The following LRP5 variants were observed in gnomAD, a reference collection of about 807,000 sequenced individuals.
The protein encoded by LRP5 is low-density lipoprotein receptor-related protein 5.
Under a neutral mutation model 154.1 loss-of-function variants are expected in LRP5, and 62 were observed. That is an observed-to-expected ratio of 0.40 (90% CI 0.33 to 0.50). The LOEUF (loss-of-function observed/expected upper bound fraction) is 0.50. LRP5 is among the 20% of genes least tolerant of loss of function. LRP5 has a pLI of 0.55. For missense variants in LRP5, 1,915 were observed against 2,336.7 expected (o/e 0.82, Z 3.72); for synonymous variants, 966 against 1,011.5 (o/e 0.96, Z 0.85).
intron 20 of LRP5, among the ~76,000 whole-genome samples, chr11:68,439,334 A>T (rs530429539): frequency 5.3e-5 from 8 of 152,194 alleles, no homozygotes; most frequent in African/African-American, 1.9e-4. Flanking sequence ...CTGTCACCCC[A>T]AGCCGGCCTC....
chr11:68,403,573 T>A lies in LRP5; in HGVS notation c.1675T>A (p.Tyr559Asn). ...FGFTLLGDFI[Y>N]WTDWQRRSIE... ...GTTCACGCTGCTGGGGGACTTCATC[T>A]ACTGGACTGACTGGCAGCGCCGCAG... The change falls in exon 8 of 23, where the codon TAC becomes AAC. Residue 559 changes from tyrosine to asparagine, a missense_variant. Physicochemically the swap from Tyr to Asn is moderately radical, Grantham distance 143. Around this residue, in one of 3 missense-constraint regions of LRP5, gnomAD observed 773 missense variants for 1,100.9 expected, o/e 0.70. Coordinates refer to ENST00000294304, the MANE Select transcript of LRP5 (RefSeq NM_002335.4). 1 of 1,614,202 alleles carries A rather than the reference T, an allele frequency of 6.2e-7. No homozygotes were observed. Among genetic ancestry groups the A allele is most frequent in the Non-Finnish European group, 8.5e-7 (1 of 1,180,042 alleles).
chr11:68,407,274 T>G (rs2098656276), intron 9 of LRP5, among the ~76,000 whole-genome samples: 1 of 151,686 alleles, frequency 6.6e-6, no homozygotes, highest in Non-Finnish European at 1.5e-5. Flanking sequence ...GTTCAAGCGA[T>G]TCTTCTGCCT....
chr11:68,342,825 A>G (rs1430737387), intron 1 of LRP5, among the ~76,000 whole-genome samples: 1 of 152,238 alleles, frequency 6.6e-6, no homozygotes, highest in Non-Finnish European at 1.5e-5. Context: ...AACAGCCGAG[A>G]GTGTAAACCG....
chr11:68,446,450 G>A lies in LRP5; in HGVS notation c.4503G>A (p.Pro1501=), dbSNP rs760580570. 56 of 1,613,452 alleles carry A rather than the reference G, an allele frequency of 3.5e-5. No homozygotes were observed. The highest frequency in any genetic ancestry group is 4.4e-5 in the South Asian group (4 of 91,080). Residue 1501 remains proline, a synonymous_variant, in exon 22 of 23, where the codon CCG becomes CCA. Coordinates refer to ENST00000294304, the MANE Select transcript of LRP5 (RefSeq NM_002335.4). ...ATLYPPILNP[P]PSPATDPSLY... Reference sequence around the variant, plus strand: ...GCTCTCCTCAGATCCTGAACCCGCCGCCCTCCCCGGCCACGGACCCCTCCC... The same window carrying A: ...GCTCTCCTCAGATCCTGAACCCGCCACCCTCCCCGGCCACGGACCCCTCCC...
chr11:68,444,701 T>A (rs78053055), intron 21 of LRP5, among the ~76,000 whole-genome samples: 2,002 of 151,432 alleles, frequency 0.013, 52 homozygotes, highest in African/African-American at 0.046. Flanking sequence ...CCAGTGCAGA[T>A]TTGGGCAGAA....
In LRP5 at chr11:68,357,684, C is replaced by G. The variant is rs373823574; in HGVS notation, c.523C>G (p.Arg175Gly). The change falls in exon 3 of 23, where the codon CGG becomes GGG. Residue 175 changes from arginine (R) to glycine (G), a missense_variant. Arg to Gly is a moderately radical substitution (Grantham distance 125). Around this residue, in one of 3 missense-constraint regions of LRP5, gnomAD observed 773 missense variants for 1,100.9 expected, o/e 0.70. Coordinates refer to ENST00000294304, the MANE Select transcript of LRP5 (RefSeq NM_002335.4). ...MYWTDWGETPRIERAGMDGST... is the reference protein window; with the variant it reads ...MYWTDWGETPGIERAGMDGST... ...CTGGACAGACTGGGGTGAGACGCCCCGGATTGAGCGGGCAGGGATGGATGG... is the reference window on the plus strand; with the variant it reads ...CTGGACAGACTGGGGTGAGACGCCCGGGATTGAGCGGGCAGGGATGGATGG... The G allele has an allele frequency of 6.2e-7, 1 of 1,613,996 alleles. No homozygotes were observed. The highest frequency in any genetic ancestry group is 8.5e-7 in the Non-Finnish European group (1 of 1,180,004).
intron 2 of LRP5, among the ~76,000 whole-genome samples, chr11:68,348,645 C>T (rs554491592): frequency 4.3e-3 from 460 of 105,792 alleles, no homozygotes; most frequent in Middle Eastern, 0.036. Flanking sequence ...GCACTCGGTG[C>T]GACTCTGAAA....
At chr11:68,439,736 G>A (rs2450874) in intron 20 of LRP5, 41 bp from the exon 21 acceptor site, 1 of 1,598,276 alleles carries the variant, frequency 6.3e-7, no homozygotes, top group Admixed American at 1.7e-5. Flanking sequence ...GCTTGGCTGA[G>A]CCTGGAAGCC....
chr11:68,324,540 T>G (rs1317384213), intron 1 of LRP5, among the ~76,000 whole-genome samples: 1 of 152,204 alleles, frequency 6.6e-6, no homozygotes, highest in Non-Finnish European at 1.5e-5. Context: ...GCTTGAGGTG[T>G]GCAGAGGATG....
In LRP5 at chr11:68,413,955, C is replaced by A; in HGVS notation, c.2770C>A (p.His924Asn). The A allele has an allele frequency of 6.2e-7, 1 of 1,608,722 alleles. No homozygotes were observed. Among genetic ancestry groups the A allele is most frequent in the Non-Finnish European group, 8.5e-7 (1 of 1,180,014 alleles). Residue 924 changes from histidine to asparagine, a missense_variant, in exon 12 of 23, where the codon CAC becomes AAC. Transcript: ENST00000294304. This position sits in a 1 kb window ranked among gnomAD's most constrained non-coding sequence, Gnocchi z 5.1. ...GCTGTGCCTTGCCATCCCCGGCGGCCACCGCTGCGGCTGCGCCTCACACTA... is the reference window on the plus strand; with the variant it reads ...GCTGTGCCTTGCCATCCCCGGCGGCAACCGCTGCGGCTGCGCCTCACACTA... ...GQLCLAIPGG[H>N]RCGCASHYTL...
At chr11:68,377,151 G>A (rs2098637809) in intron 5 of LRP5, among the ~76,000 whole-genome samples, 2 of 152,306 alleles carry the variant, frequency 1.3e-5, no homozygotes, top group South Asian at 4.1e-4. Context: ...CTGAGGTTGT[G>A]GTGGGGCATG....
intron 5 of LRP5, among the ~76,000 whole-genome samples, chr11:68,382,560 C>T (rs1330335830): frequency 1.3e-5 from 2 of 152,208 alleles, no homozygotes; most frequent in African/African-American, 4.8e-5. Context: ...GTCCTGAGGG[C>T]AGATTCCAAG....
intron 7 of LRP5, among the ~76,000 whole-genome samples, chr11:68,390,257 G>A (rs2098645564): frequency 1.3e-5 from 2 of 152,250 alleles, no homozygotes; most frequent in Admixed American, 6.5e-5. Context: ...TACGTAAGAT[G>A]TTATCATTCG....
intron 21 of LRP5, chr11:68,445,772 G>A (rs2153184802): frequency 2.5e-6 from 2 of 793,518 alleles, no homozygotes; most frequent in Non-Finnish European, 3.7e-6. Flanking sequence ...CTGGACCTGG[G>A]GGGCACGTTC....
intron 17 of LRP5, among the ~76,000 whole-genome samples, chr11:68,433,183 G>A (rs478072): frequency 0.012 from 1,801 of 152,316 alleles, 46 homozygotes; most frequent in African/African-American, 0.041. Context: ...TGAGGAGGGC[G>A]CAGTGGGCAC....
At chr11:68,355,705 G>A (rs1015316678) in intron 2 of LRP5, among the ~76,000 whole-genome samples, 4 of 152,136 alleles carry the variant, frequency 2.6e-5, no homozygotes, top group African/African-American at 9.7e-5. Context: ...ACGTAAGGGC[G>A]CCCTGAGGAT....
At chr11:68,357,993 C>A in intron 3 of LRP5, 146 bp downstream of exon 3, 2 of 775,942 alleles carry the variant, frequency 2.6e-6, no homozygotes, top group East Asian at 2.7e-5. Context: ...CTTGGAACAG[C>A]GTCAGGGTCT....
chr11:68,377,068 G>C (rs1322425546), intron 5 of LRP5, among the ~76,000 whole-genome samples: 1 of 152,106 alleles, frequency 6.6e-6, no homozygotes, highest in Non-Finnish European at 1.5e-5. Context: ...TCAGGAGTTC[G>C]AGACCAGCCT....
chr11:68,406,955 G>A, intron 9 of LRP5, 142 bp downstream of exon 9: 1 of 762,146 alleles, frequency 1.3e-6, no homozygotes, highest in Non-Finnish European at 2.0e-6. Flanking sequence ...ATATGAGCAA[G>A]CCTATTTAAA....
Sources: allele counts gnomAD v4.1 joint callset (sites outside exome capture counted in the v4.1 genomes callset), GRCh38; gene constraint gnomAD v4.1.1; regional missense constraint gnomAD v4.1.1; non-coding constraint Gnocchi (gnomAD v3.1); transcripts MANE v1.5; gene names NCBI Gene and HGNC (gene_info 2026-07-23, HGNC 2026-07-21).